The following ZHX3 variants were observed in gnomAD, a reference collection of about 807,000 sequenced individuals.
The protein encoded by ZHX3 is zinc fingers and homeoboxes 3, also known as zinc fingers and homeoboxes protein 3.
A neutral mutation model predicts 64.5 loss-of-function variants in ZHX3; 20 were observed. The ratio of observed to expected loss-of-function variants is 0.31; its 90% confidence interval spans 0.22 to 0.45. ZHX3 has a LOEUF of 0.45. Among genes scored for constraint, ZHX3 ranks in the 20% least tolerant of loss-of-function variants. ZHX3 has a pLI of 1.00. For missense variants in ZHX3, 1,041 were observed against 1,195.8 expected, an observed-to-expected ratio of 0.87 and a Z score of 1.91; for synonymous variants, 423 against 461.6, an observed-to-expected ratio of 0.92 and a Z score of 1.07.
intron 3 of ZHX3, among the ~76,000 whole-genome samples, chr20:41,186,498 CGT>C (rs1305028820): frequency 6.6e-6 from 1 of 152,150 alleles, no homozygotes. Context: ...GTCCTTGGGG[CGT>C]ATACCTAGGA....
In ZHX3 at chr20:41,202,000, T is replaced by A. The variant is rs947396344; in HGVS notation, c.2860+57A>T. The A allele has an allele frequency of 5.3e-6, 8 of 1,507,832 alleles. No individual in the cohort carries two copies. Among genetic ancestry groups the A allele is most frequent in the Non-Finnish European group, 6.2e-6 (7 of 1,128,848 alleles). 93.4% of individuals were successfully genotyped at this position (1,507,832 alleles called of 1,614,324 possible). ...GTGCAGTAAATTCAGTGCCCAACCA[T>A]AAGTGCCTCCTCCCCTTACCCACAC... On this transcript the variant is annotated intron_variant, in intron 3 of 3. Coordinates refer to ENST00000683867, the MANE Select transcript of ZHX3 (RefSeq NM_001384317.1). The surrounding 1 kb of genome is among the most constrained non-coding windows in gnomAD (Gnocchi z 5.0).
At chr20:41,199,824 C>A (rs868097956) in intron 3 of ZHX3, among the ~76,000 whole-genome samples, 1 of 152,030 alleles carries the variant, frequency 6.6e-6, no homozygotes, top group African/African-American at 2.4e-5. Context: ...CCTCAGCCTC[C>A]CAAATAGCTG....
intron 1 of ZHX3, among the ~76,000 whole-genome samples, chr20:41,294,961 C>T (rs148055225): frequency 2.8e-4 from 43 of 152,148 alleles, no homozygotes; most frequent in Non-Finnish European, 4.4e-4. Flanking sequence ...CCTCCCAAAG[C>T]GCTGGGATTA....
chr20:41,235,967 T>A (rs1225080143), intron 2 of ZHX3, among the ~76,000 whole-genome samples: 3 of 152,148 alleles, frequency 2.0e-5, no homozygotes, highest in Admixed American at 1.3e-4. Flanking sequence ...AGCATTCCGA[T>A]ACACCAATAA....
intron 2 of ZHX3, among the ~76,000 whole-genome samples, chr20:41,222,474 C>G (rs2040007122): frequency 6.6e-6 from 1 of 152,094 alleles, no homozygotes; most frequent in South Asian, 2.1e-4. Context: ...ATGGGTCAGA[C>G]TGCTAATGAG....
intron 2 of ZHX3, among the ~76,000 whole-genome samples, chr20:41,213,515 A>G (rs960119944): frequency 1.3e-5 from 2 of 152,148 alleles, no homozygotes; most frequent in Non-Finnish European, 2.9e-5. Flanking sequence ...GAGGAGAGGG[A>G]AGAGAGATGC....
chr20:41,182,020 T>G lies in ZHX3; in HGVS notation c.*3171A>C, dbSNP rs1404342512. 6.6e-6 allele frequency: 1 copy of G among 152,102 alleles called. No homozygotes were observed. The highest frequency in any genetic ancestry group is 1.5e-5 in the Non-Finnish European group (1 of 68,008). The allele number at this position is 152,102 out of a possible 1,614,324, so 9.4% of individuals were successfully genotyped here. ...GGCGTTCTTTTTCAGGAACCCAAGA[T>G]TCTCAAAAATGACACTCCTCCCCTC... On this transcript the variant is annotated 3_prime_UTR_variant, in exon 4 of 4. Coordinates refer to ENST00000683867, the MANE Select transcript of ZHX3 (RefSeq NM_001384317.1). The surrounding 1 kb of genome is among the most constrained non-coding windows in gnomAD (Gnocchi z 6.1).
At chr20:41,235,447 G>T (rs2040913398) in intron 2 of ZHX3, among the ~76,000 whole-genome samples, 1 of 152,126 alleles carries the variant, frequency 6.6e-6, no homozygotes, top group African/African-American at 2.4e-5. Context: ...TTCATACCTA[G>T]GATGCAAGGC....
intron 2 of ZHX3, among the ~76,000 whole-genome samples, chr20:41,231,001 ATCT>A (rs1252219259): frequency 6.6e-6 from 1 of 152,182 alleles, no homozygotes; most frequent in Admixed American, 6.5e-5. Context: ...TGCTCTAAAA[ATCT>A]TCTGTGCTCT....
chr20:41,265,201 ATTTTTT>A (rs764092804), intron 2 of ZHX3, among the ~76,000 whole-genome samples: 13 of 142,940 alleles, frequency 9.1e-5, no homozygotes, highest in Non-Finnish European at 1.8e-4. Context: ...ATTACGATAA[ATTTTTT>A]TTTTTTTTTT....
intron 1 of ZHX3, among the ~76,000 whole-genome samples, chr20:41,279,142 G>A (rs531745781): frequency 6.6e-6 from 1 of 152,198 alleles, no homozygotes; most frequent in South Asian, 2.1e-4. Context: ...CCTTGGGATG[G>A]ACTGCCAGAA....
chr20:41,294,674 T>A (rs2044418033), intron 1 of ZHX3, among the ~76,000 whole-genome samples: 1 of 151,592 alleles, frequency 6.6e-6, no homozygotes. Context: ...TAGCAATAGT[T>A]TTTAAAACCT....
rs1407741622 is a variant in ZHX3 at position 41,299,072 on chromosome 20, G to A, written c.-245+18437C>T. On this transcript the variant is annotated intron_variant, in intron 1 of 3. Transcript: ENST00000683867. ...ATCCTAATGTCTTATTTGGACACCA[G>A]AAATAAACATAATTGGGAATCAATA... Among the ~76,000 whole-genome samples, 9 of 152,142 alleles carry A rather than the reference G, an allele frequency of 5.9e-5. No individual in the cohort carries two copies. In the East Asian group the frequency reaches 1.7e-3, roughly 29 times the overall value.
Position 41,185,311 on chromosome 20 carries a change from T to C in ZHX3, c.2861-110A>G. The stretch of plus-strand genomic sequence containing the variant: ...GGCATCACTGGCTTTGAGGACCTCT[T>C]AATTCCATGAGCAATGAATGGCCTT... On this transcript the variant is annotated intron_variant, in intron 3 of 3. Transcript: ENST00000683867. The surrounding 1 kb of genome is among the most constrained non-coding windows in gnomAD (Gnocchi z 5.0). 7.7e-7 allele frequency: 1 copy of C among 1,297,956 alleles called. No homozygotes were observed. The highest frequency in any genetic ancestry group is 1.1e-6 in the Non-Finnish European group (1 of 949,740). 80.4% of individuals were successfully genotyped at this position (1,297,956 alleles called of 1,614,324 possible). A position where few individuals can be genotyped will look rare whatever the true frequency, so the allele number is the denominator to read the frequency against.
chr20:41,269,763 A>G (rs2043035475), intron 1 of ZHX3, among the ~76,000 whole-genome samples: 1 of 152,128 alleles, frequency 6.6e-6, no homozygotes, highest in African/African-American at 2.4e-5. Context: ...CAAAGCGAGT[A>G]TACCAGAAGG....
rs938863022 is a variant in ZHX3, at chr20:41,212,985, G to A, written c.-150-7919C>T. On this transcript the variant is annotated intron_variant, in intron 2 of 3. Coordinates refer to ENST00000683867, the MANE Select transcript of ZHX3 (RefSeq NM_001384317.1). The surrounding 1 kb of genome is among the most constrained non-coding windows in gnomAD (Gnocchi z 4.3). The stretch of plus-strand genomic sequence containing the variant: ...CCCAAACATCTATCAGCTGGTGAAT[G>A]GGTAAGTAAAATATGATATATCCAT... 1.3e-5 allele frequency among the ~76,000 whole-genome samples: 2 copies of A among 152,168 alleles called. No individual in the cohort carries two copies. The highest frequency in any genetic ancestry group is 4.8e-5 in the African/African-American group (2 of 41,424).
At chr20:41,268,552 A>G (rs976686514) in intron 2 of ZHX3, among the ~76,000 whole-genome samples, 2 of 152,242 alleles carry the variant, frequency 1.3e-5, no homozygotes, top group Non-Finnish European at 2.9e-5. Flanking sequence ...GTGTAGTGTC[A>G]CATATATTGT....
intron 3 of ZHX3, among the ~76,000 whole-genome samples, chr20:41,190,070 C>CAT (rs2036877038): frequency 6.6e-6 from 1 of 152,022 alleles, no homozygotes; most frequent in Admixed American, 6.6e-5. Flanking sequence ...TTGAGATGAC[C>CAT]ACACGATTTT....
chr20:41,235,854 T>C (rs543483165), intron 2 of ZHX3, among the ~76,000 whole-genome samples: 2 of 152,294 alleles, frequency 1.3e-5, no homozygotes, highest in South Asian at 2.1e-4. Context: ...GATGACATGA[T>C]TGTATATCTA....
Sources: allele counts gnomAD v4.1 joint callset (sites outside exome capture counted in the v4.1 genomes callset), GRCh38; gene constraint gnomAD v4.1.1; non-coding constraint Gnocchi (gnomAD v3.1); transcripts MANE v1.5; gene names NCBI Gene and HGNC (gene_info 2026-07-23, HGNC 2026-07-21).